SPOCK3: variants seen among roughly 807,000 people sequenced by gnomAD.
The protein encoded by SPOCK3 is testican-3.
SPOCK3 carries 30 observed loss-of-function variants against 56.6 expected under a neutral mutation model. That is an observed-to-expected ratio of 0.53 (90% CI 0.40 to 0.72). The LOEUF is 0.72. Among genes scored for constraint, SPOCK3 ranks in the 30% least tolerant of loss-of-function variants. The pLI, the probability that SPOCK3 is intolerant of heterozygous loss-of-function variation, is 0.00. For synonymous variants in SPOCK3, 196 were observed against 183.3 expected, an observed-to-expected ratio of 1.07 and a Z score of -0.56; for missense variants, 527 against 530.0, an observed-to-expected ratio of 0.99 and a Z score of 0.06.
intron 3 of SPOCK3, among the ~76,000 whole-genome samples, chr4:167,058,007 C>T (rs1273908309): frequency 6.6e-6 from 1 of 152,120 alleles, no homozygotes; most frequent in Non-Finnish European, 1.5e-5. Context: ...CCACACCACA[C>T]CTATTCCAAA....
At chr4:166,849,794 T>C (rs1748488936) in intron 6 of SPOCK3, among the ~76,000 whole-genome samples, 1 of 152,198 alleles carries the variant, frequency 6.6e-6, no homozygotes, top group Admixed American at 6.5e-5. Flanking sequence ...TTCTACTTTC[T>C]GTCTCAATGA....
intron 7 of SPOCK3, among the ~76,000 whole-genome samples, chr4:166,772,353 G>C (rs1485456859): frequency 2.0e-5 from 3 of 151,980 alleles, no homozygotes; most frequent in African/African-American, 7.2e-5. Flanking sequence ...ATGTTATTCT[G>C]AATGTATCTA....
At chr4:166,768,966 C>T (rs1288346669) in intron 7 of SPOCK3, among the ~76,000 whole-genome samples, 1 of 152,184 alleles carries the variant, frequency 6.6e-6, no homozygotes, top group Admixed American at 6.5e-5. Context: ...CTCTTTCTTC[C>T]AGTTGATCAA....
chr4:166,840,198 G>A (rs1424157541), intron 6 of SPOCK3, among the ~76,000 whole-genome samples: 1 of 152,102 alleles, frequency 6.6e-6, no homozygotes, highest in Non-Finnish European at 1.5e-5. Flanking sequence ...ACACTTGAGT[G>A]TAGGGAGACT....
chr4:167,103,109 C>G (rs1032025690), intron 2 of SPOCK3, among the ~76,000 whole-genome samples: 2 of 151,886 alleles, frequency 1.3e-5, no homozygotes, highest in Non-Finnish European at 2.9e-5. Flanking sequence ...CAGAAGGGAA[C>G]CCACTCCCTG....
intron 3 of SPOCK3, among the ~76,000 whole-genome samples, chr4:167,051,324 A>G (rs1754178068): frequency 6.6e-6 from 1 of 152,200 alleles, no homozygotes. Context: ...CCTCCTGGTA[A>G]AAGTATGACT....
At chr4:167,121,420 A>G (rs1481391310) in intron 2 of SPOCK3, among the ~76,000 whole-genome samples, 2 of 151,852 alleles carry the variant, frequency 1.3e-5, no homozygotes, top group African/African-American at 4.8e-5. Flanking sequence ...ATTAGATGAG[A>G]GATGTCAGAA....
At chr4:167,158,255 G>C (rs749628242) in intron 2 of SPOCK3, among the ~76,000 whole-genome samples, 3 of 151,760 alleles carry the variant, frequency 2.0e-5, no homozygotes, top group Non-Finnish European at 4.4e-5. Context: ...TATAGTCTTT[G>C]GTAATAAGTC....
At chr4:167,078,675 A>T (rs1438269533) in intron 2 of SPOCK3, among the ~76,000 whole-genome samples, 2 of 151,784 alleles carry the variant, frequency 1.3e-5, no homozygotes, top group Admixed American at 1.3e-4. Flanking sequence ...TGATGCAGGT[A>T]TCATCCTTTA....
rs78355264 is a variant in SPOCK3 at position 166,829,056 on chromosome 4, G to T, written c.590-36767C>A. On this transcript the variant is annotated intron_variant, in intron 6 of 10. Coordinates refer to ENST00000357545, the MANE Select transcript of SPOCK3 (RefSeq NM_001040159.2). ...ATTTAAATGATATACATAACTGATA[G>T]TGGGTCTACCTGGTTTTTGCAAGTG... Among the ~76,000 whole-genome samples the T allele has an allele frequency of 3.3e-3, 497 of 152,144 alleles. 1 individual carries two copies. Among genetic ancestry groups the T allele is most frequent in the African/African-American group, 0.011 (475 of 41,550 alleles).
chr4:167,208,478 C>T (rs1734562293), intron 2 of SPOCK3, among the ~76,000 whole-genome samples: 1 of 151,938 alleles, frequency 6.6e-6, no homozygotes, highest in South Asian at 2.1e-4. Context: ...CAGTAGAGAA[C>T]ACTGACTAAG....
intron 5 of SPOCK3, among the ~76,000 whole-genome samples, chr4:166,905,444 C>G (rs527829855): frequency 6.6e-6 from 1 of 152,060 alleles, no homozygotes; most frequent in East Asian, 1.9e-4. Flanking sequence ...GATGTAGACA[C>G]TGATATTATA....
chr4:166,784,163 G>A (rs1473728416), intron 7 of SPOCK3, among the ~76,000 whole-genome samples: 1 of 152,042 alleles, frequency 6.6e-6, no homozygotes, highest in Non-Finnish European at 1.5e-5. Context: ...GATAGCAATT[G>A]CCATTGTTTG....
At chr4:166,944,519 T>C (rs768335332) in intron 4 of SPOCK3, among the ~76,000 whole-genome samples, 25 of 152,318 alleles carry the variant, frequency 1.6e-4, no homozygotes, top group Middle Eastern at 3.4e-3. Context: ...CTGAAACAGT[T>C]ACAGTTCTTC....
At chr4:167,033,808 T>C (rs149751042) in intron 3 of SPOCK3, among the ~76,000 whole-genome samples, 70 of 152,176 alleles carry the variant, frequency 4.6e-4, no homozygotes, top group African/African-American at 1.6e-3. Context: ...TAGAATTTAC[T>C]AGATGAAGGC....
intron 3 of SPOCK3, among the ~76,000 whole-genome samples, chr4:167,048,380 G>A (rs1753908038): frequency 6.6e-6 from 1 of 151,628 alleles, no homozygotes; most frequent in Admixed American, 6.6e-5. Context: ...TATTATACAG[G>A]TGATTTTATA....
At chr4:166,855,140 G>C (rs1164473018) in intron 6 of SPOCK3, among the ~76,000 whole-genome samples, 2 of 152,184 alleles carry the variant, frequency 1.3e-5, no homozygotes, top group African/African-American at 4.8e-5. Context: ...GAAATTTGCT[G>C]TCAGTGAATT....
intron 3 of SPOCK3, among the ~76,000 whole-genome samples, chr4:167,037,545 T>A (rs925763586): frequency 2.7e-5 from 4 of 149,650 alleles, no homozygotes; most frequent in African/African-American, 9.8e-5. Flanking sequence ...ACACTAAGGA[T>A]TTTTTGAAAT....
intron 8 of SPOCK3, among the ~76,000 whole-genome samples, chr4:166,753,703 G>T (rs996043654): frequency 6.6e-6 from 1 of 152,014 alleles, no homozygotes; most frequent in African/African-American, 2.4e-5. Flanking sequence ...ATTGACAACA[G>T]CAGGCTTTAC....
Sources: gnomAD v4.1 joint callset for allele counts (sites outside exome capture counted in the v4.1 genomes callset) on GRCh38, gnomAD v4.1.1 for gene constraint, MANE v1.5 for transcripts, NCBI Gene and HGNC (gene_info 2026-07-23, HGNC 2026-07-21) for gene names.